PTPRD: variants seen among roughly 807,000 people sequenced by gnomAD.
The protein encoded by PTPRD is protein tyrosine phosphatase receptor type D.
PTPRD carries 34 observed loss-of-function variants against 214.5 expected under a neutral mutation model. The ratio of observed to expected loss-of-function variants is 0.16; its 90% CI spans 0.12 to 0.21. The LOEUF is 0.21. PTPRD is among the 10% of genes least tolerant of loss of function. PTPRD has a pLI of 1.00. For missense variants in PTPRD, 2,545 were observed against 2,398.7 expected, an observed-to-expected ratio of 1.06 and a Z score of -1.27; for synonymous variants, 1,128 against 845.7, an observed-to-expected ratio of 1.33 and a Z score of -5.79.
intron 43 of PTPRD, 95 bp downstream of exon 43, chr9:8,338,827 C>T (rs1414630599): frequency 9.2e-7 from 1 of 1,091,116 alleles, no homozygotes; most frequent in Non-Finnish European, 1.3e-6. Flanking sequence ...GGACAACAGT[C>T]AAGTGGCAAG....
chr9:10,084,280 C>T (rs1236082176), intron 3 of PTPRD, among the ~76,000 whole-genome samples: 1 of 151,762 alleles, frequency 6.6e-6, no homozygotes, highest in Non-Finnish European at 1.5e-5. Context: ...TTTGTTTCTC[C>T]AAAGATAATA....
chr9:10,419,558 C>A (rs1300155174), intron 2 of PTPRD, among the ~76,000 whole-genome samples: 1 of 151,766 alleles, frequency 6.6e-6, no homozygotes, highest in Admixed American at 6.6e-5. Context: ...TAAATCAGGT[C>A]AGAATATACA....
At chr9:10,200,892 C>T (rs180846602) in intron 3 of PTPRD, among the ~76,000 whole-genome samples, 1 of 152,136 alleles carries the variant, frequency 6.6e-6, no homozygotes, top group East Asian at 1.9e-4. Flanking sequence ...ACTAAGTAAA[C>T]TTCCTTTTTA....
intron 36 of PTPRD, among the ~76,000 whole-genome samples, chr9:8,397,354 T>C (rs915343590): frequency 5.3e-5 from 8 of 152,282 alleles, no homozygotes; most frequent in African/African-American, 1.4e-4. Context: ...GGTGAAATAA[T>C]TGTAATTGTT....
chr9:10,167,215 T>C (rs1414375194), intron 3 of PTPRD, among the ~76,000 whole-genome samples: 1 of 152,038 alleles, frequency 6.6e-6, no homozygotes, highest in Non-Finnish European at 1.5e-5. Flanking sequence ...AGAAATAATC[T>C]TGTAGAGAGT....
intron 3 of PTPRD, among the ~76,000 whole-genome samples, chr9:10,112,750 C>G (rs1237304930): frequency 6.6e-6 from 1 of 152,198 alleles, no homozygotes. Flanking sequence ...GAAGATAATT[C>G]ATTTGCTAGG....
intron 2 of PTPRD, among the ~76,000 whole-genome samples, chr9:10,370,458 T>G (rs1180844329): frequency 6.6e-6 from 1 of 152,126 alleles, no homozygotes; most frequent in Non-Finnish European, 1.5e-5. Flanking sequence ...CAATACTTAC[T>G]GTTTCATGTC....
intron 11 of PTPRD, among the ~76,000 whole-genome samples, chr9:8,830,344 G>A (rs1031661600): frequency 4.6e-5 from 7 of 151,950 alleles, no homozygotes; most frequent in Non-Finnish European, 1.0e-4. Context: ...TAGCACTTGA[G>A]GGAAAATAAT....
rs144201636 is a variant in PTPRD at position 8,996,855 on chromosome 9, T to G, written c.-104+21842A>C. On this transcript the variant is annotated intron_variant, in intron 11 of 45. Coordinates refer to ENST00000381196, the MANE Select transcript of PTPRD (RefSeq NM_002839.4). ...TTCAATATATGAATTTTGGGGGATA[T>G]AACATTTGGACCATAGCAGAGGGTG... Among the ~76,000 whole-genome samples the G allele has an allele frequency of 1.3e-3, 193 of 152,164 alleles. 1 individual carries two copies. The highest frequency in any genetic ancestry group is 2.1e-3 in the Non-Finnish European group (146 of 67,996).
At chr9:10,308,078 T>TA (rs2096143138) in intron 3 of PTPRD, among the ~76,000 whole-genome samples, 2 of 151,952 alleles carry the variant, frequency 1.3e-5, no homozygotes, top group South Asian at 4.1e-4. Context: ...AATATAGTTT[T>TA]ATTTGTCTAT....
intron 4 of PTPRD, among the ~76,000 whole-genome samples, chr9:10,019,112 C>T (rs564659841): frequency 2.7e-4 from 41 of 152,132 alleles, no homozygotes; most frequent in African/African-American, 9.2e-4. Flanking sequence ...AAAAAGTGGG[C>T]GAAAGATATG....
chr9:8,878,055 T>C (rs1477046407), intron 11 of PTPRD, among the ~76,000 whole-genome samples: 1 of 152,102 alleles, frequency 6.6e-6, no homozygotes, highest in Non-Finnish European at 1.5e-5. Flanking sequence ...TATAATTGAG[T>C]TTGAAGATAA....
At chr9:10,096,389 C>T (rs2098484783) in intron 3 of PTPRD, among the ~76,000 whole-genome samples, 1 of 151,860 alleles carries the variant, frequency 6.6e-6, no homozygotes, top group Non-Finnish European at 1.5e-5. Flanking sequence ...TCCACATCGT[C>T]TCCAGCACCT....
chr9:9,687,384 T>G (rs886631688), intron 7 of PTPRD, among the ~76,000 whole-genome samples: 1 of 151,714 alleles, frequency 6.6e-6, no homozygotes, highest in African/African-American at 2.4e-5. Context: ...TAAGGGAGGT[T>G]TTATCCTCTT....
chr9:8,331,454 T>A, intron 44 of PTPRD, 128 bp downstream of exon 44: 2 of 1,061,092 alleles, frequency 1.9e-6, no homozygotes, highest in Non-Finnish European at 2.6e-6. Context: ...AAATCAATCC[T>A]GCTTTAAGTT....
intron 10 of PTPRD, among the ~76,000 whole-genome samples, chr9:9,071,970 C>T (rs1013610402): frequency 6.6e-6 from 1 of 152,142 alleles, no homozygotes; most frequent in Non-Finnish European, 1.5e-5. Flanking sequence ...AGTCTTGCTT[C>T]ACACATCACA....
intron 2 of PTPRD, among the ~76,000 whole-genome samples, chr9:10,482,153 C>T (rs561465950): frequency 7.2e-5 from 11 of 152,040 alleles, no homozygotes; most frequent in South Asian, 2.1e-4. Context: ...GGGAGAATCA[C>T]GAGGTCAGGA....
chr9:9,324,158 A>G (rs1024313170), intron 9 of PTPRD, among the ~76,000 whole-genome samples: 4 of 152,298 alleles, frequency 2.6e-5, no homozygotes, highest in Admixed American at 1.3e-4. Context: ...ATACGTGTGC[A>G]TGTGTCTTTA....
At chr9:10,414,888 T>C (rs919196824) in intron 2 of PTPRD, among the ~76,000 whole-genome samples, 4 of 151,814 alleles carry the variant, frequency 2.6e-5, no homozygotes, top group African/African-American at 9.6e-5. Flanking sequence ...TGAGAACTCA[T>C]GGATACAAAG....
Sources: gnomAD v4.1 joint callset for allele counts (sites outside exome capture counted in the v4.1 genomes callset) on GRCh38, gnomAD v4.1.1 for gene constraint, MANE v1.5 for transcripts, NCBI Gene and HGNC (gene_info 2026-07-23, HGNC 2026-07-21) for gene names.